The following CSMD2 variants were observed in gnomAD, a reference collection of about 807,000 sequenced individuals.
The protein encoded by CSMD2 is CUB and sushi domain-containing protein 2.
In CSMD2, 130 loss-of-function variants were observed where a neutral mutation model predicts 398.5. That is an observed-to-expected ratio of 0.33 (90% CI 0.28 to 0.38). CSMD2 has a LOEUF of 0.38. Ranked by LOEUF, CSMD2 falls within the 10% of genes least tolerant of loss-of-function variation. The pLI is 1.00. For synonymous variants in CSMD2, 1,828 were observed against 1,908.5 expected (o/e 0.96, Z 1.10); for missense variants, 3,829 against 4,764.9 (o/e 0.80, Z 5.78).
chr1:33,785,056 A>G (rs191530413), intron 12 of CSMD2, among the ~76,000 whole-genome samples: 81 of 152,316 alleles, frequency 5.3e-4, no homozygotes, highest in Non-Finnish European at 9.7e-4. Flanking sequence ...CTAAACACCC[A>G]GACTGTCCTT....
At chr1:33,632,167 T>C (rs1642501515) in intron 32 of CSMD2, among the ~76,000 whole-genome samples, 1 of 151,976 alleles carries the variant, frequency 6.6e-6, no homozygotes, top group African/African-American at 2.4e-5. Context: ...ATTCCAAAGG[T>C]ATTAAAGCAG....
At chr1:34,046,201 G>A (rs1652499611) in intron 2 of CSMD2, among the ~76,000 whole-genome samples, 1 of 152,212 alleles carries the variant, frequency 6.6e-6, no homozygotes, top group African/African-American at 2.4e-5. Flanking sequence ...AGGATATGCA[G>A]GTGGTAGTGT....
At chr1:33,788,753 G>T in intron 11 of CSMD2, 41 bp from the exon 12 acceptor site, 2 of 1,226,046 alleles carry the variant, frequency 1.6e-6, no homozygotes, top group Non-Finnish European at 2.4e-6. Context: ...TCTCCACCAT[G>T]ACACCCGAAT....
chr1:34,088,916 T>A, intron 2 of CSMD2, 61 bp downstream of exon 2: 1 of 1,365,206 alleles, frequency 7.3e-7, no homozygotes. Flanking sequence ...AAGATCTTCC[T>A]CCTAGTGAGC....
rs550764129 is a variant in CSMD2, at chr1:33,514,413, T to A, written c.*2211A>T. The A allele has an allele frequency of 1.3e-5, 2 of 151,682 alleles. No homozygotes were observed. The highest frequency in any genetic ancestry group is 2.9e-5 in the Non-Finnish European group (2 of 67,802). 9.4% of individuals were successfully genotyped at this position (151,682 alleles called of 1,614,324 possible). On this transcript the variant is annotated 3_prime_UTR_variant, in exon 71 of 71. Coordinates refer to ENST00000373381, the MANE Select transcript of CSMD2 (RefSeq NM_001281956.2). ...GATGGTGATGGGTATATGGCGTAGA[T>A]GGTGGGTGAAGGGCCTCATCTGCCC...
Position 33,772,729 on chromosome 1 carries a change from A to T in CSMD2, c.1686T>A (p.Gly562=). 1 of 1,613,820 alleles carries T rather than the reference A, an allele frequency of 6.2e-7. No individual in the cohort carries two copies. Among genetic ancestry groups the T allele is most frequent in the African/African-American group, 1.3e-5 (1 of 75,060 alleles). The stretch of plus-strand genomic sequence containing the variant: ...GGCCATATGCAGGTATGCCAGGGTC[A>T]CCGCAACTGCCCTGCTCGATCTCTG... ...SYEEIEQGSC[G]DPGIPAYGRR... The change falls in exon 13 of 71, where the codon GGT becomes GGA. Residue 562 remains glycine (G), a synonymous_variant. Transcript: ENST00000373381.
intron 25 of CSMD2, among the ~76,000 whole-genome samples, chr1:33,678,750 G>C (rs1644804646): frequency 6.6e-6 from 1 of 152,164 alleles, no homozygotes; most frequent in Non-Finnish European, 1.5e-5. Context: ...GCTATCCAAA[G>C]AGCAAAAACT....
At chr1:33,576,205 C>A (rs1173389857) in intron 49 of CSMD2, among the ~76,000 whole-genome samples, 1 of 152,126 alleles carries the variant, frequency 6.6e-6, no homozygotes, top group Non-Finnish European at 1.5e-5. Context: ...ATATAGAAAT[C>A]CAAATGACCA....
rs577330558 is a variant in CSMD2, at chr1:33,796,265, AC to A, written c.1447-3740del. Among the ~76,000 whole-genome samples, 46 of 152,338 alleles carry A rather than the reference AC, an allele frequency of 3.0e-4. 1 individual carries two copies. The South Asian group carries it at 9.3e-3, about 31-fold the overall frequency. On this transcript the variant is annotated intron_variant, in intron 10 of 70. Transcript: ENST00000373381. ...TGCTCAATTCTGTTCTGAACACTTTACACATATCAACTCATGAGAAATGCAG... is the reference window on the plus strand; with the variant it reads ...TGCTCAATTCTGTTCTGAACACTTTAACATATCAACTCATGAGAAATGCAG...
chr1:33,672,131 T>C (rs958782734), intron 25 of CSMD2, among the ~76,000 whole-genome samples: 2 of 152,150 alleles, frequency 1.3e-5, no homozygotes, highest in African/African-American at 4.8e-5. Context: ...TGCCGGACAG[T>C]GGGTGCAGTG....
At chr1:33,740,750 C>T (rs558152174) in intron 14 of CSMD2, among the ~76,000 whole-genome samples, 1 of 152,302 alleles carries the variant, frequency 6.6e-6, no homozygotes, top group East Asian at 1.9e-4. Flanking sequence ...GAAGTCCAGG[C>T]ATTTTTCTTT....
At chr1:33,676,707 C>G (rs1571189497) in intron 25 of CSMD2, among the ~76,000 whole-genome samples, 2 of 152,204 alleles carry the variant, frequency 1.3e-5, no homozygotes, top group East Asian at 3.8e-4. Context: ...TGACTTCAAA[C>G]TATACTACAA....
At chr1:33,582,228 T>C (rs1638775662) in intron 47 of CSMD2, among the ~76,000 whole-genome samples, 1 of 152,114 alleles carries the variant, frequency 6.6e-6, no homozygotes, top group Admixed American at 6.5e-5. Context: ...AGAAGCAAAG[T>C]TGGCATAATT....
At chr1:34,143,852 C>G (rs1243172134) in intron 1 of CSMD2, among the ~76,000 whole-genome samples, 1 of 152,164 alleles carries the variant, frequency 6.6e-6, no homozygotes, top group Non-Finnish European at 1.5e-5. Context: ...ATGCCCGGCC[C>G]TAATCTGACA....
At chr1:33,875,679 G>A (rs1156392990) in intron 5 of CSMD2, 1 of 152,224 alleles carries the variant, frequency 6.6e-6, no homozygotes, top group East Asian at 1.9e-4. Context: ...CTGGATTGGA[G>A]ACTGGAGGTA....
At chr1:34,073,993 T>TG (rs897517225) in intron 2 of CSMD2, among the ~76,000 whole-genome samples, 1 of 152,186 alleles carries the variant, frequency 6.6e-6, no homozygotes, top group Non-Finnish European at 1.5e-5. Context: ...GCAACAGAGA[T>TG]GGGGCAGGTG....
chr1:33,622,357 C>T (rs1641826345), intron 36 of CSMD2, 86 bp from the exon 37 acceptor site: 2 of 966,300 alleles, frequency 2.1e-6, no homozygotes, highest in Non-Finnish European at 3.3e-6. Context: ...ATTTTGCTAC[C>T]TGCTGACATT....
At chr1:33,871,091 C>T (rs901876408) in intron 5 of CSMD2, 1 of 152,214 alleles carries the variant, frequency 6.6e-6, no homozygotes, top group African/African-American at 2.4e-5. Context: ...TTGTGACGGA[C>T]TCAGCTAAAC....
intron 10 of CSMD2, among the ~76,000 whole-genome samples, chr1:33,798,620 G>C (rs1655232456): frequency 6.6e-6 from 1 of 152,232 alleles, no homozygotes; most frequent in Non-Finnish European, 1.5e-5. Context: ...CCCACAGCCA[G>C]AGCAGGCAGT....
Sources: allele counts gnomAD v4.1 joint callset (sites outside exome capture counted in the v4.1 genomes callset), GRCh38; gene constraint gnomAD v4.1.1; transcripts MANE v1.5; gene names NCBI Gene and HGNC (gene_info 2026-07-23, HGNC 2026-07-21).